The following TMEM135 variants were observed in gnomAD, a reference collection of about 807,000 sequenced individuals.
TMEM135 encodes transmembrane protein 135.
In TMEM135, 30 loss-of-function variants were observed where a neutral mutation model predicts 60.3. The observed-to-expected ratio is 0.50, with a 90% CI of 0.37 to 0.68. TMEM135 has a LOEUF of 0.68. TMEM135 is among the 30% of genes least tolerant of loss of function. The pLI is 0.00. For synonymous variants in TMEM135, 190 were observed against 186.7 expected, an observed-to-expected ratio of 1.02 and a Z score of -0.14; for missense variants, 468 against 548.8, an observed-to-expected ratio of 0.85 and a Z score of 1.47.
At chr11:87,071,464 A>G (rs1427505990) in intron 2 of TMEM135, 59 bp from the exon 3 acceptor site, 2 of 1,298,134 alleles carry the variant, frequency 1.5e-6, no homozygotes, top group Non-Finnish European at 2.2e-6. Context: ...ACTTCTATTC[A>G]TAATAACTGA....
intron 1 of TMEM135, among the ~76,000 whole-genome samples, chr11:87,051,718 G>T (rs1262233481): frequency 1.0e-4 from 1 of 9,556 alleles, no homozygotes; most frequent in Non-Finnish European, 1.4e-4. Context: ...AATCAATATC[G>T]TGAAAATGGC....
chr11:87,219,782 G>A (rs1344621774), intron 5 of TMEM135, among the ~76,000 whole-genome samples: 3 of 152,118 alleles, frequency 2.0e-5, no homozygotes, highest in African/African-American at 4.8e-5. Flanking sequence ...ATAGTTTTCT[G>A]TTGAAACTTA....
chr11:87,162,992 T>C (rs1374329200), intron 5 of TMEM135, among the ~76,000 whole-genome samples: 1 of 151,910 alleles, frequency 6.6e-6, no homozygotes, highest in Non-Finnish European at 1.5e-5. Context: ...CTTTTTTTCA[T>C]GTTTGCTGGC....
chr11:87,142,122 G>T (rs1284782533), intron 4 of TMEM135, among the ~76,000 whole-genome samples: 1 of 152,190 alleles, frequency 6.6e-6, no homozygotes, highest in African/African-American at 2.4e-5. Flanking sequence ...TGGTAGTGTA[G>T]AAACTTGCTA....
chr11:87,242,975 C>T (rs1358417169), intron 6 of TMEM135, among the ~76,000 whole-genome samples: 5 of 139,118 alleles, frequency 3.6e-5, no homozygotes, highest in East Asian at 3.9e-4. Context: ...CTAGGGTTTT[C>T]ATGGTTTTAG....
chr11:87,238,228 A>T (rs1270239706), intron 6 of TMEM135, among the ~76,000 whole-genome samples: 4 of 151,922 alleles, frequency 2.6e-5, no homozygotes, highest in Non-Finnish European at 4.4e-5. Flanking sequence ...AATCTCTATT[A>T]TGTGATTTTT....
chr11:87,197,167 A>G (rs1420675657), intron 5 of TMEM135, among the ~76,000 whole-genome samples: 2 of 152,108 alleles, frequency 1.3e-5, no homozygotes, highest in Non-Finnish European at 2.9e-5. Context: ...AGTATAACAA[A>G]TATTTTCTAA....
intron 5 of TMEM135, among the ~76,000 whole-genome samples, chr11:87,219,732 G>A (rs1940577762): frequency 6.6e-6 from 1 of 152,128 alleles, no homozygotes; most frequent in South Asian, 2.1e-4. Flanking sequence ...TTTATAACAT[G>A]AGGTAACTGA....
chr11:87,298,755 C>G (rs375442426), intron 7 of TMEM135, among the ~76,000 whole-genome samples: 5 of 124,464 alleles, frequency 4.0e-5, no homozygotes, highest in Non-Finnish European at 8.0e-5. Context: ...CCACTGCACT[C>G]CAGCCTGGGT....
Position 87,327,955 on chromosome 11 carries a change from G to A in TMEM135, c.*6622G>A, listed in dbSNP as rs1942938482. 2.2e-6 allele frequency: 1 copy of A among 453,850 alleles called. No homozygotes were observed. The highest frequency in any genetic ancestry group is 1.6e-5 in the South Asian group (1 of 64,466). 28.1% of individuals were successfully genotyped at this position (453,850 alleles called of 1,614,324 possible). A position where few individuals can be genotyped will look rare whatever the true frequency, so the allele number is the denominator to read the frequency against. On this transcript the variant is annotated 3_prime_UTR_variant, in exon 15 of 15. Transcript: ENST00000305494. ...TTGGAGGTGCCTGCCCATATTGAGG[G>A]CAGATCTTCTCTGCCTAGTCCACGC...
rs576193218 is a variant in TMEM135 at position 87,319,057 on chromosome 11, C to T, written c.1177-253C>T. The T allele has an allele frequency of 7.0e-5, 28 of 400,598 alleles. No individual in the cohort carries two copies. The East Asian group carries it at 8.4e-4, about 12-fold the overall frequency. 24.8% of individuals were successfully genotyped at this position (400,598 alleles called of 1,614,324 possible). ...CTAATTTTTGTATTTTCAGTAGAGA[C>T]GGGTTTTCTCCATGTTGGTTAGGCT... On this transcript the variant is annotated intron_variant, in intron 13 of 14. Coordinates refer to ENST00000305494, the MANE Select transcript of TMEM135 (RefSeq NM_022918.4).
At chr11:87,221,342 C>CA (rs1940613084) in intron 5 of TMEM135, among the ~76,000 whole-genome samples, 1 of 152,144 alleles carries the variant, frequency 6.6e-6, no homozygotes, top group African/African-American at 2.4e-5. Context: ...TTAGAAAGTT[C>CA]AGTGAATACT....
intron 1 of TMEM135, among the ~76,000 whole-genome samples, chr11:87,066,516 G>C (rs1856657120): frequency 6.8e-6 from 1 of 147,792 alleles, no homozygotes; most frequent in Non-Finnish European, 1.5e-5. Context: ...TAGATTTCAT[G>C]TCTATCCATA....
rs750235658 is a variant in TMEM135, at chr11:87,306,033, T to TA, written c.768+30dup. 1.7e-5 allele frequency: 24 copies of TA among 1,380,506 alleles called. No homozygotes were observed. In the South Asian group the frequency reaches 3.1e-4, roughly 18 times the overall value. The allele number at this position is 1,380,506 out of a possible 1,614,324, so 85.5% of individuals were successfully genotyped here. ...AAGTATATGAAAGTATGTACTTTAT[T>TA]AACAGTAGGGAATGGGTATAGAAAT... On this transcript the variant is annotated intron_variant, in intron 9 of 14. Coordinates refer to ENST00000305494, the MANE Select transcript of TMEM135 (RefSeq NM_022918.4).
chr11:87,145,910 A>G (rs929392140), intron 4 of TMEM135, among the ~76,000 whole-genome samples: 1 of 152,054 alleles, frequency 6.6e-6, no homozygotes, highest in Admixed American at 6.5e-5. Context: ...TTTCTTTGCT[A>G]TGCAGAAGCT....
chr11:87,250,804 G>A (rs1422551258), intron 6 of TMEM135, among the ~76,000 whole-genome samples: 14 of 152,294 alleles, frequency 9.2e-5, no homozygotes. Flanking sequence ...AGAGTTAGGA[G>A]ATGTGCCTTA....
rs5793246 is a variant in TMEM135, at chr11:87,278,381, C to CTT, written c.510-17389_510-17388dup. Among the ~76,000 whole-genome samples, 687 of 144,948 alleles carry CTT rather than the reference C, an allele frequency of 4.7e-3. 7 individuals are homozygous for CTT. Among genetic ancestry groups the CTT allele is most frequent in the Middle Eastern group, 0.011 (3 of 274 alleles). ...TTACTGATTCAGGCAAATTTTCGTT[C>CTT]TTTTTTTTTTTTTGAGACAGAGTCT... is the stretch of plus-strand genomic sequence containing the variant. On this transcript the variant is annotated intron_variant, in intron 6 of 14. Transcript: ENST00000305494.
At chr11:87,293,080 T>C (rs1942293071) in intron 6 of TMEM135, among the ~76,000 whole-genome samples, 1 of 152,210 alleles carries the variant, frequency 6.6e-6, no homozygotes, top group African/African-American at 2.4e-5. Context: ...CTGCTTTCTG[T>C]TTTCCAGTCA....
At chr11:87,225,024 C>A (rs1370211576) in intron 5 of TMEM135, among the ~76,000 whole-genome samples, 4 of 151,996 alleles carry the variant, frequency 2.6e-5, no homozygotes, top group African/African-American at 9.7e-5. Context: ...TTCCTGTCAC[C>A]TTTTCTTAAA....
Sources: allele counts gnomAD v4.1 joint callset (sites outside exome capture counted in the v4.1 genomes callset), GRCh38; gene constraint gnomAD v4.1.1; transcripts MANE v1.5; gene names NCBI Gene and HGNC (gene_info 2026-07-23, HGNC 2026-07-21).